Variants in ZNF354C observed in about 807,000 individuals in gnomAD.
ZNF354C encodes the protein KRAB-zinc finger protein synten.
In ZNF354C, 7 loss-of-function variants were observed where a neutral mutation model predicts 12.4. The observed-to-expected ratio is 0.56, with a 90% confidence interval of 0.32 to 1.06. ZNF354C has a LOEUF of 1.06. Among genes scored for constraint, ZNF354C ranks in the 50% least tolerant of loss-of-function variants. The pLI is 0.04. For synonymous variants in ZNF354C, 202 were observed against 224.5 expected (o/e 0.90, Z 0.90); for missense variants, 609 against 658.0 (o/e 0.93, Z 0.81).
At chr5:179,064,706 G>A (rs372668993) in intron 2 of ZNF354C, among the ~76,000 whole-genome samples, 14 of 151,830 alleles carry the variant, frequency 9.2e-5, no homozygotes, top group South Asian at 8.3e-4. Context: ...GAGCCACCGC[G>A]CCCGGCCTAT....
chr5:179,082,840 C>A lies in ZNF354C; in HGVS notation c.*2743C>A, dbSNP rs1801908. 7.9e-7 allele frequency: 1 copy of A among 1,269,348 alleles called. No individual in the cohort carries two copies. Among genetic ancestry groups the A allele is most frequent in the Non-Finnish European group, 1.2e-6 (1 of 867,082 alleles). 78.6% of individuals were successfully genotyped at this position (1,269,348 alleles called of 1,614,324 possible). A position where few individuals can be genotyped will look rare whatever the true frequency, so the allele number is the denominator to read the frequency against. On this transcript the variant is annotated 3_prime_UTR_variant, in exon 5 of 5. Transcript: ENST00000315475. ...CGATCAGGTCGAGGAGCTGCAACAG[C>A]CTTGGGGCCCTCACAGACTCGCCAA...
intron 2 of ZNF354C, among the ~76,000 whole-genome samples, chr5:179,063,447 T>A (rs1023266651): frequency 8.5e-5 from 13 of 152,118 alleles, no homozygotes; most frequent in Admixed American, 8.5e-4. Context: ...TAGTCCCAGA[T>A]ACTAAGAAGG....
chr5:179,078,914 C>A lies in ZNF354C; in HGVS notation c.482C>A (p.Thr161Lys). Residue 161 changes from threonine (T) to lysine (K), a missense_variant, in exon 5 of 5, where the codon ACA becomes AAA. By Grantham distance (78) the Thr-to-Lys change is moderately conservative. Transcript: ENST00000315475. ...EKTISEDGNH[T>K]SLELGKSLFT... ...ACCATCAGTGAAGATGGAAACCATACAAGTCTTGAATTGGGGAAAAGCTTA... is the reference window on the plus strand; with the variant it reads ...ACCATCAGTGAAGATGGAAACCATAAAAGTCTTGAATTGGGGAAAAGCTTA... The A allele has an allele frequency of 1.9e-6, 3 of 1,614,112 alleles. No homozygotes were observed. The highest frequency in any genetic ancestry group is 2.5e-6 in the Non-Finnish European group (3 of 1,180,006).
At chr5:179,068,432 A>G (rs1204614015) in intron 2 of ZNF354C, among the ~76,000 whole-genome samples, 1 of 152,232 alleles carries the variant, frequency 6.6e-6, no homozygotes, top group Non-Finnish European at 1.5e-5. Flanking sequence ...TTGGATCTAA[A>G]GTCTGGAATA....
chr5:179,078,691 A>G lies in ZNF354C; in HGVS notation c.259A>G (p.Thr87Ala), dbSNP rs1398989720. The G allele has an allele frequency of 3.2e-6, 5 of 1,586,790 alleles. No homozygotes were observed. The highest frequency in any genetic ancestry group is 4.3e-6 in the Non-Finnish European group (5 of 1,169,154). Reference sequence around the variant, plus strand: ...CTTCTGATTCATTTTAGGTTTCAAGACTTGGCTTGAAACAGAAGCATTGCC... The same window carrying G: ...CTTCTGATTCATTTTAGGTTTCAAGGCTTGGCTTGAAACAGAAGCATTGCC... ...VPSDTRLGFK[T>A]WLETEALPHR... The change falls in exon 5 of 5, where the codon ACT (threonine) becomes GCT (alanine). Residue 87 changes from threonine (T) to alanine (A), a missense_variant. Thr to Ala is a moderately conservative substitution (Grantham distance 58). Coordinates refer to ENST00000315475, the MANE Select transcript of ZNF354C (RefSeq NM_014594.3).
At position 179,083,145 on chromosome 5, in the gene ZNF354C, A is replaced by G. The variant is rs146490612; in HGVS notation, c.*3048A>G. 4.0e-6 allele frequency: 2 copies of G among 504,310 alleles called. No individual in the cohort carries two copies. 31.2% of individuals were successfully genotyped at this position (504,310 alleles called of 1,614,324 possible). A position where few individuals can be genotyped will look rare whatever the true frequency, so the allele number is the denominator to read the frequency against. On this transcript the variant is annotated 3_prime_UTR_variant, in exon 5 of 5. Transcript: ENST00000315475. ...AGTAAAACAAAAAGTGGTCTCTGCT[A>G]GATTAAGACAAGAGACATAACCAAA... is the stretch of plus-strand genomic sequence containing the variant.
chr5:179,067,401 A>G (rs1761971950), intron 2 of ZNF354C, among the ~76,000 whole-genome samples: 1 of 152,198 alleles, frequency 6.6e-6, no homozygotes, highest in Non-Finnish European at 1.5e-5. Context: ...CTTGGAAGTT[A>G]CATGCATCAT....
chr5:179,064,502 C>T (rs1019335355), intron 2 of ZNF354C, among the ~76,000 whole-genome samples: 11 of 152,068 alleles, frequency 7.2e-5, no homozygotes, highest in Non-Finnish European at 1.0e-4. Flanking sequence ...CTGCAAGCTC[C>T]GCCTCCCGGG....
Position 179,079,470 on chromosome 5 carries a change from T to G in ZNF354C, c.1038T>G (p.His346Gln). 1 of 1,614,078 alleles carries G rather than the reference T, an allele frequency of 6.2e-7. No individual in the cohort carries two copies. ...ACTGTAGAGCAAAACTTCACAGGCATCAAAGAATCCATACAGGTGAGAAAC... is the reference window on the plus strand; with the variant it reads ...ACTGTAGAGCAAAACTTCACAGGCAGCAAAGAATCCATACAGGTGAGAAAC... ...AFNCRAKLHRHQRIHTGEKPY... is the reference protein window; with the variant it reads ...AFNCRAKLHRQQRIHTGEKPY... The change falls in exon 5 of 5, where the codon CAT becomes CAG. Residue 346 changes from histidine to glutamine, a missense_variant. Coordinates refer to ENST00000315475, the MANE Select transcript of ZNF354C (RefSeq NM_014594.3). This position sits in a 1 kb window ranked among gnomAD's most constrained non-coding sequence, Gnocchi z 4.2.
In ZNF354C at chr5:179,079,132, C is replaced by T; in HGVS notation, c.700C>T (p.His234Tyr). ...CAAGCAGAATCTGCATCTTATTGAA[C>T]ATCAGAGAATTCATACAGGTGAGAA... ...SFKQNLHLIE[H>Y]QRIHTGEKPY... is the part of the protein sequence containing the mutation. The change falls in exon 5 of 5, where the codon CAT becomes TAT. Residue 234 changes from histidine to tyrosine, a missense_variant. Coordinates refer to ENST00000315475, the MANE Select transcript of ZNF354C (RefSeq NM_014594.3). The surrounding 1 kb of genome is among the most constrained non-coding windows in gnomAD (Gnocchi z 4.2). 6.2e-7 allele frequency: 1 copy of T among 1,613,858 alleles called. No individual in the cohort carries two copies. Among genetic ancestry groups the T allele is most frequent in the Non-Finnish European group, 8.5e-7 (1 of 1,180,010 alleles).
rs781574647 is a variant in ZNF354C at position 179,079,025 on chromosome 5, A to C, written c.593A>C (p.Lys198Thr). ...TATTATACATTTGGGAAAGATTTTA[A>C]ACAGAATTTTGATCTCATGAAATGC... Reference protein sequence around the residue: ...NMYYTFGKDFKQNFDLMKCFQ... With the variant: ...NMYYTFGKDFTQNFDLMKCFQ... The change falls in exon 5 of 5, where the codon AAA becomes ACA. Residue 198 changes from lysine to threonine, a missense_variant. Physicochemically the swap from Lys to Thr is moderately conservative, Grantham distance 78. Coordinates refer to ENST00000315475, the MANE Select transcript of ZNF354C (RefSeq NM_014594.3). This position sits in a 1 kb window ranked among gnomAD's most constrained non-coding sequence, Gnocchi z 4.2. The C allele has an allele frequency of 6.2e-7, 1 of 1,612,848 alleles. No homozygotes were observed. Among genetic ancestry groups the C allele is most frequent in the African/African-American group, 1.3e-5 (1 of 74,812 alleles).
At chr5:179,077,652 T>C (rs1762142166) in intron 4 of ZNF354C, among the ~76,000 whole-genome samples, 2 of 152,192 alleles carry the variant, frequency 1.3e-5, no homozygotes, top group Non-Finnish European at 2.9e-5. Flanking sequence ...AAAATTGTTA[T>C]TCTTCCAATC....
rs779684550 is a variant in ZNF354C at position 179,077,159 on chromosome 5, C to A, written c.243C>A (p.Thr81=). ...TGGAAAGAGAAGTCCCTTCAGATAC[C>A]CGTCTAGGTAAGTGAGAGGCTGGGA... is the stretch of plus-strand genomic sequence containing the variant. ...CMVEREVPSD[T]RLGFKTWLET... Residue 81 remains threonine, a synonymous_variant, in exon 4 of 5, where the codon ACC becomes ACA. Transcript: ENST00000315475. The A allele has an allele frequency of 6.2e-7, 1 of 1,613,762 alleles. No individual in the cohort carries two copies. The highest frequency in any genetic ancestry group is 1.1e-5 in the South Asian group (1 of 91,056).
At position 179,082,862 on chromosome 5, in the gene ZNF354C, C is replaced by T; in HGVS notation, c.*2765C>T. The T allele has an allele frequency of 8.6e-7, 1 of 1,157,442 alleles. No individual in the cohort carries two copies. Among genetic ancestry groups the T allele is most frequent in the Non-Finnish European group, 1.3e-6 (1 of 765,618 alleles). 71.7% of individuals were successfully genotyped at this position (1,157,442 alleles called of 1,614,324 possible). On this transcript the variant is annotated 3_prime_UTR_variant, in exon 5 of 5. Transcript: ENST00000315475. ...CAGCCTTGGGGCCCTCACAGACTCG[C>T]CAAACATTCCAGGCACTGCACTTGC...
chr5:179,073,527 C>T (rs1762076037), intron 2 of ZNF354C, among the ~76,000 whole-genome samples: 1 of 151,886 alleles, frequency 6.6e-6, no homozygotes, highest in Non-Finnish European at 1.5e-5. Flanking sequence ...AATTTATTTA[C>T]ATCTGGACTG....
rs1762251016 is a variant in ZNF354C at position 179,083,075 on chromosome 5, T to C, written c.*2978T>C. The stretch of plus-strand genomic sequence containing the variant: ...AGGGGTGTGATGTTGTAAGCCATAG[T>C]TTGTGCATTTTGGCCCTGGTCTGGA... On this transcript the variant is annotated 3_prime_UTR_variant, in exon 5 of 5. Transcript: ENST00000315475. 2.8e-6 allele frequency: 2 copies of C among 725,778 alleles called. No individual in the cohort carries two copies. Among genetic ancestry groups the C allele is most frequent in the Non-Finnish European group, 4.6e-6 (2 of 432,002 alleles). 45.0% of individuals were successfully genotyped at this position (725,778 alleles called of 1,614,324 possible).
In ZNF354C at chr5:179,064,576, T is replaced by C. The variant is rs1481685631; in HGVS notation, c.27+2481T>C. Among the ~76,000 whole-genome samples the C allele has an allele frequency of 3.3e-5, 5 of 150,922 alleles. No homozygotes were observed. The East Asian group carries it at 9.7e-4, about 29-fold the overall frequency. On this transcript the variant is annotated intron_variant, in intron 2 of 4. Coordinates refer to ENST00000315475, the MANE Select transcript of ZNF354C (RefSeq NM_014594.3). ...GGACTACAGGCGCCCACCACCACACTGGCTAATTTTTTTTTTTTTTGTAGA... is the reference window on the plus strand; with the variant it reads ...GGACTACAGGCGCCCACCACCACACCGGCTAATTTTTTTTTTTTTTGTAGA...
chr5:179,072,036 A>C (rs1762060213), intron 2 of ZNF354C, among the ~76,000 whole-genome samples: 1 of 152,186 alleles, frequency 6.6e-6, no homozygotes, highest in Non-Finnish European at 1.5e-5. Context: ...AGGATAAGGT[A>C]GGCATATGAA....
At chr5:179,061,055 A>G (rs542458353) in intron 1 of ZNF354C, among the ~76,000 whole-genome samples, 2 of 152,330 alleles carry the variant, frequency 1.3e-5, no homozygotes, top group South Asian at 2.1e-4. Context: ...GATTGAAAAT[A>G]CTGCGTGGAA....
Sources: gnomAD v4.1 joint callset for allele counts (sites outside exome capture counted in the v4.1 genomes callset) on GRCh38, gnomAD v4.1.1 for gene constraint, Gnocchi (gnomAD v3.1) non-coding constraint, MANE v1.5 for transcripts, NCBI Gene and HGNC (gene_info 2026-07-23, HGNC 2026-07-21) for gene names.